ARHGAP32: variants seen among roughly 807,000 people sequenced by gnomAD.
ARHGAP32 encodes the protein Rho GTPase activating protein 32.
Under a neutral mutation model 186.5 loss-of-function variants are expected in ARHGAP32, and 51 were observed. The observed-to-expected ratio is 0.27, with a 90% CI of 0.22 to 0.35. The LOEUF is 0.35. ARHGAP32 is among the 10% of genes least tolerant of loss of function. The probability of loss-of-function intolerance (pLI) is 1.00; values close to 1 mark genes in which losing one functional copy is unlikely to be tolerated. For synonymous variants in ARHGAP32, 950 were observed against 964.3 expected, an observed-to-expected ratio of 0.99 and a Z score of 0.27; for missense variants, 2,186 against 2,623.5, an observed-to-expected ratio of 0.83 and a Z score of 3.64.
chr11:129,278,574 G>C (rs892311905), intron 1 of ARHGAP32, among the ~76,000 whole-genome samples: 1 of 152,136 alleles, frequency 6.6e-6, no homozygotes. Flanking sequence ...GCGAGGAAGC[G>C]AGGGGGAAAA....
intron 2 of ARHGAP32, among the ~76,000 whole-genome samples, chr11:129,139,397 G>A (rs1186704213): frequency 3.9e-5 from 6 of 151,928 alleles, no homozygotes; most frequent in Admixed American, 2.0e-4. Flanking sequence ...CTGCCCAATC[G>A]ATTTTATGGT....
intron 2 of ARHGAP32, among the ~76,000 whole-genome samples, chr11:129,163,509 A>G (rs891421739): frequency 2.6e-5 from 4 of 152,148 alleles, no homozygotes; most frequent in Non-Finnish European, 5.9e-5. Context: ...AAGCCAAAAA[A>G]CTTGAAGCCA....
chr11:129,147,018 G>T (rs1429731524), intron 2 of ARHGAP32, among the ~76,000 whole-genome samples: 1 of 151,984 alleles, frequency 6.6e-6, no homozygotes, highest in African/African-American at 2.4e-5. Context: ...TATGATTTTT[G>T]AGAGAAATGG....
chr11:129,277,115 G>A (rs957807016), intron 1 of ARHGAP32, among the ~76,000 whole-genome samples: 2 of 152,066 alleles, frequency 1.3e-5, no homozygotes, highest in African/African-American at 2.4e-5. Context: ...TATTACATGC[G>A]TCTACGATCA....
chr11:129,127,295 A>G (rs1185075318), intron 2 of ARHGAP32, among the ~76,000 whole-genome samples: 1 of 152,232 alleles, frequency 6.6e-6, no homozygotes, highest in East Asian at 1.9e-4. Flanking sequence ...GCCTGACGGG[A>G]AAACCTCTGC....
rs534201237 is a variant in ARHGAP32 at position 129,123,936 on chromosome 11, G to A, written c.318-7C>T. 1.1e-4 allele frequency: 145 copies of A among 1,289,506 alleles called. No individual in the cohort carries two copies. The highest frequency in any genetic ancestry group is 2.6e-4 in the African/African-American group (17 of 65,938). 79.9% of individuals were successfully genotyped at this position (1,289,506 alleles called of 1,614,324 possible). A position where few individuals can be genotyped will look rare whatever the true frequency, so the allele number is the denominator to read the frequency against. ...CAGTCCTGGAGTGGTGGACCTGAAC[G>A]CAGAATGAACATTTTTATCCTTGTC... On this transcript the variant is annotated splice_region_variant and splice_polypyrimidine_tract_variant and intron_variant, in intron 3 of 22. Transcript: ENST00000682385. This position sits in a 1 kb window ranked among gnomAD's most constrained non-coding sequence, Gnocchi z 4.6.
intron 11 of ARHGAP32, among the ~76,000 whole-genome samples, chr11:129,035,850 A>G (rs1939311162): frequency 6.6e-6 from 1 of 151,322 alleles, no homozygotes; most frequent in Admixed American, 6.6e-5. Flanking sequence ...TCAAAAAAAG[A>G]AAAAAAAAGC....
At chr11:129,029,522 G>A (rs952593254) in intron 11 of ARHGAP32, among the ~76,000 whole-genome samples, 6 of 152,260 alleles carry the variant, frequency 3.9e-5, no homozygotes, top group East Asian at 3.9e-4. Context: ...AAAGGGTAGG[G>A]GCCGGGCACG....
At chr11:129,235,761 C>A (rs1402339381) in intron 1 of ARHGAP32, among the ~76,000 whole-genome samples, 2 of 152,086 alleles carry the variant, frequency 1.3e-5, no homozygotes, top group African/African-American at 4.8e-5. Flanking sequence ...CATTCTTATG[C>A]CTTTACATCC....
At chr11:129,261,016 A>C (rs992671539) in intron 1 of ARHGAP32, among the ~76,000 whole-genome samples, 2 of 152,138 alleles carry the variant, frequency 1.3e-5, no homozygotes, top group Non-Finnish European at 2.9e-5. Context: ...TAGAAAGCTG[A>C]AAATACTACT....
intron 6 of ARHGAP32, among the ~76,000 whole-genome samples, chr11:129,086,622 C>T (rs1284263653): frequency 1.3e-5 from 2 of 152,022 alleles, no homozygotes; most frequent in Non-Finnish European, 2.9e-5. Context: ...GAGATCGAGA[C>T]CATCCCGGCT....
intron 1 of ARHGAP32, among the ~76,000 whole-genome samples, chr11:129,230,330 G>A (rs1944841041): frequency 6.6e-6 from 1 of 152,216 alleles, no homozygotes; most frequent in East Asian, 1.9e-4. Context: ...CCATGTCTTT[G>A]AGGAAATGTT....
At chr11:129,131,213 G>A (rs1254519576) in intron 2 of ARHGAP32, among the ~76,000 whole-genome samples, 2 of 151,726 alleles carry the variant, frequency 1.3e-5, no homozygotes, top group Non-Finnish European at 2.9e-5. Flanking sequence ...ATCTCGGTGT[G>A]GGTGGTGGTT....
chr11:129,251,742 G>T (rs1001326095), intron 1 of ARHGAP32, among the ~76,000 whole-genome samples: 2 of 150,374 alleles, frequency 1.3e-5, no homozygotes, highest in African/African-American at 2.5e-5. Context: ...AGGCCAACAC[G>T]GTGAAACCCC....
chr11:129,054,378 G>T (rs1335913957), intron 10 of ARHGAP32, among the ~76,000 whole-genome samples: 1 of 152,132 alleles, frequency 6.6e-6, no homozygotes, highest in African/African-American at 2.4e-5. Context: ...TACATCAGCA[G>T]TTCTCATGTT....
rs1321441121 is a variant in ARHGAP32, at chr11:128,969,508, A to G, written c.5705T>C (p.Phe1902Ser). The G allele has an allele frequency of 6.2e-7, 1 of 1,614,102 alleles. No individual in the cohort carries two copies. Among genetic ancestry groups the G allele is most frequent in the East Asian group, 2.2e-5 (1 of 44,872 alleles). ...RAHQEASHRQ[F>S]CESKNGPPYP... Reference sequence around the variant, plus strand: ...AGGGGGCCCATTCTTTGACTCACAGAACTGCCTATGGCTTGCTTCTTGGTG... The same window carrying G: ...AGGGGGCCCATTCTTTGACTCACAGGACTGCCTATGGCTTGCTTCTTGGTG... Residue 1902 changes from phenylalanine (F) to serine (S), a missense_variant, in exon 23 of 23, where the codon TTC (phenylalanine) becomes TCC (serine). Transcript: ENST00000682385. This position sits in a 1 kb window ranked among gnomAD's most constrained non-coding sequence, Gnocchi z 4.8.
intron 5 of ARHGAP32, among the ~76,000 whole-genome samples, chr11:129,112,885 AAT>A (rs1565428626): frequency 6.6e-6 from 1 of 152,206 alleles, no homozygotes; most frequent in South Asian, 2.1e-4. Flanking sequence ...CTGCATTTTC[AAT>A]ATGAGATAAA....
chr11:129,045,583 T>C (rs1162674836), intron 10 of ARHGAP32, among the ~76,000 whole-genome samples: 1 of 152,254 alleles, frequency 6.6e-6, no homozygotes, highest in Non-Finnish European at 1.5e-5. Context: ...ACTTATACTT[T>C]TCTAATGAAT....
intron 11 of ARHGAP32, among the ~76,000 whole-genome samples, chr11:129,035,241 T>C (rs1939283560): frequency 6.6e-6 from 1 of 152,120 alleles, no homozygotes; most frequent in Non-Finnish European, 1.5e-5. Context: ...GGGTACTTTC[T>C]ATCTTGGTCA....
Sources: allele counts gnomAD v4.1 joint callset (sites outside exome capture counted in the v4.1 genomes callset), GRCh38; gene constraint gnomAD v4.1.1; non-coding constraint Gnocchi (gnomAD v3.1); transcripts MANE v1.5; gene names NCBI Gene and HGNC (gene_info 2026-07-23, HGNC 2026-07-21).